SHANK2: variants seen among roughly 807,000 people sequenced by gnomAD.
The protein encoded by SHANK2 is SH3 and multiple ankyrin repeat domains 2.
A neutral mutation model predicts 133.7 loss-of-function variants in SHANK2; 43 were observed. The ratio of observed to expected loss-of-function variants is 0.32; its 90% CI spans 0.25 to 0.41. The LOEUF is 0.41. Among genes scored for constraint, SHANK2 ranks in the 10% least tolerant of loss-of-function variants. The pLI, the probability that SHANK2 is intolerant of heterozygous loss-of-function variation, is 1.00. For synonymous variants in SHANK2, 1,017 were observed against 952.8 expected, an observed-to-expected ratio of 1.07 and a Z score of -1.24; for missense variants, 1,994 against 2,235.8, an observed-to-expected ratio of 0.89 and a Z score of 2.18.
intron 14 of SHANK2, among the ~76,000 whole-genome samples, chr11:70,742,289 C>A (rs1157782515): frequency 6.6e-6 from 1 of 152,126 alleles, no homozygotes. Context: ...TGGACTGTTG[C>A]GCACTCTGGG....
intron 14 of SHANK2, among the ~76,000 whole-genome samples, chr11:70,745,195 T>C (rs1328503701): frequency 1.3e-5 from 2 of 152,246 alleles, no homozygotes; most frequent in Non-Finnish European, 2.9e-5. Context: ...GCCCCAGTGC[T>C]AGTGAGCCCC....
chr11:71,201,047 C>T (rs1245955992), intron 2 of SHANK2, among the ~76,000 whole-genome samples: 1 of 152,138 alleles, frequency 6.6e-6, no homozygotes, highest in Non-Finnish European at 1.5e-5. Context: ...ACCGACCTCC[C>T]CCGAGCCATC....
At chr11:71,226,210 G>C (rs1477029963) in intron 1 of SHANK2, among the ~76,000 whole-genome samples, 1 of 152,124 alleles carries the variant, frequency 6.6e-6, no homozygotes, top group African/African-American at 2.4e-5. Context: ...AGAATGGAGG[G>C]GACAGAGGAA....
intron 2 of SHANK2, among the ~76,000 whole-genome samples, chr11:71,199,178 C>A (rs1953971215): frequency 6.6e-6 from 1 of 152,218 alleles, no homozygotes; most frequent in African/African-American, 2.4e-5. Context: ...CTCAGCTCTG[C>A]CACTTGCTGT....
At chr11:70,677,326 T>A (rs1944921268) in intron 15 of SHANK2, among the ~76,000 whole-genome samples, 1 of 152,176 alleles carries the variant, frequency 6.6e-6, no homozygotes, top group Admixed American at 6.5e-5. Context: ...ATTCAATGCA[T>A]CCAGCTGAGC....
intron 15 of SHANK2, among the ~76,000 whole-genome samples, chr11:70,674,296 G>C (rs1265761417): frequency 6.6e-6 from 1 of 151,996 alleles, no homozygotes; most frequent in Non-Finnish European, 1.5e-5. Flanking sequence ...ATCCATTACT[G>C]CAATGCAGCT....
At chr11:71,095,922 T>TGC (rs1951603045) in intron 6 of SHANK2, among the ~76,000 whole-genome samples, 1 of 143,530 alleles carries the variant, frequency 7.0e-6, no homozygotes, top group Admixed American at 6.9e-5. Context: ...CCAACTAGGA[T>TGC]GCTGTGTGTA....
At chr11:70,635,964 C>A (rs971809909) in intron 17 of SHANK2, among the ~76,000 whole-genome samples, 1 of 152,258 alleles carries the variant, frequency 6.6e-6, no homozygotes, top group Non-Finnish European at 1.5e-5. Context: ...CACATCCACC[C>A]CTCCCGAATG....
chr11:70,883,077 C>T (rs569308605), intron 11 of SHANK2, among the ~76,000 whole-genome samples: 1 of 152,206 alleles, frequency 6.6e-6, no homozygotes, highest in East Asian at 1.9e-4. Context: ...CGGTTCCAGC[C>T]CCAGCTGCAT....
At chr11:70,592,294 G>A (rs550793460) in intron 17 of SHANK2, among the ~76,000 whole-genome samples, 3 of 152,292 alleles carry the variant, frequency 2.0e-5, no homozygotes, top group South Asian at 4.1e-4. Flanking sequence ...GGCAGGTGAG[G>A]ACTGGGTCCT....
intron 10 of SHANK2, chr11:70,948,370 G>C (rs940733522): frequency 2.2e-6 from 1 of 457,124 alleles, no homozygotes; most frequent in Non-Finnish European, 4.4e-6. Context: ...AGAAGACAGC[G>C]TGGCTCTTAC....
At chr11:70,755,835 G>A (rs981216696) in intron 14 of SHANK2, among the ~76,000 whole-genome samples, 2 of 152,222 alleles carry the variant, frequency 1.3e-5, no homozygotes, top group Non-Finnish European at 2.9e-5. Context: ...CAGTGCTGGG[G>A]CCATCGTAGG....
At chr11:71,243,257 A>G (rs1425358212) in intron 1 of SHANK2, among the ~76,000 whole-genome samples, 4 of 152,246 alleles carry the variant, frequency 2.6e-5, no homozygotes, top group African/African-American at 9.6e-5. Flanking sequence ...AGCAATAAAG[A>G]AAATCAATGA....
intron 10 of SHANK2, chr11:70,942,990 C>T (rs986174712): frequency 2.2e-6 from 1 of 451,320 alleles, no homozygotes; most frequent in South Asian, 1.6e-5. Flanking sequence ...GAGACTTATG[C>T]ATGAACCATT....
intron 3 of SHANK2, among the ~76,000 whole-genome samples, chr11:71,127,977 G>A (rs1952223437): frequency 6.6e-6 from 1 of 152,152 alleles, no homozygotes; most frequent in South Asian, 2.1e-4. Flanking sequence ...TCTGCCGGCT[G>A]GAGCCCCACT....
intron 10 of SHANK2, among the ~76,000 whole-genome samples, chr11:70,912,259 G>A (rs972541657): frequency 6.6e-6 from 1 of 152,190 alleles, no homozygotes; most frequent in Middle Eastern, 3.4e-3. Flanking sequence ...AATTATATAA[G>A]CTAAAATCAT....
chr11:70,742,785 G>A (rs1291045512), intron 14 of SHANK2, among the ~76,000 whole-genome samples: 1 of 152,246 alleles, frequency 6.6e-6, no homozygotes, highest in Non-Finnish European at 1.5e-5. Context: ...GCGGCCTGGA[G>A]CGCAGGCATG....
chr11:70,787,050 C>A (rs531388943), intron 14 of SHANK2, among the ~76,000 whole-genome samples: 1 of 151,280 alleles, frequency 6.6e-6, no homozygotes, highest in South Asian at 2.1e-4. Flanking sequence ...AAGATCACCA[C>A]CATGAGCATC....
chr11:71,243,264 A>G (rs1954916917), intron 1 of SHANK2, among the ~76,000 whole-genome samples: 1 of 152,244 alleles, frequency 6.6e-6, no homozygotes, highest in Admixed American at 6.5e-5. Flanking sequence ...AAGAAAATCA[A>G]TGAAACTACA....
Sources: gnomAD v4.1 joint callset for allele counts (sites outside exome capture counted in the v4.1 genomes callset) on GRCh38, gnomAD v4.1.1 for gene constraint, MANE v1.5 for transcripts, NCBI Gene and HGNC (gene_info 2026-07-23, HGNC 2026-07-21) for gene names.